Variants in ZC3H4 observed in about 807,000 individuals in gnomAD.
ZC3H4 encodes zinc finger CCCH-type containing 4, also known as zinc finger CCCH domain-containing protein 4.
A neutral mutation model predicts 108.3 loss-of-function variants in ZC3H4; 13 were observed. The observed-to-expected ratio is 0.12, with a 90% confidence interval of 0.08 to 0.19. The LOEUF is 0.19. Among genes scored for constraint, ZC3H4 ranks in the 10% least tolerant of loss-of-function variants. The pLI is 1.00. For synonymous variants in ZC3H4, 917 were observed against 749.6 expected, an observed-to-expected ratio of 1.22 and a Z score of -3.65; for missense variants, 1,734 against 1,838.8, an observed-to-expected ratio of 0.94 and a Z score of 1.04.
chr19:47,079,732 C>G (rs996431597), intron 11 of ZC3H4, among the ~76,000 whole-genome samples: 6 of 152,168 alleles, frequency 3.9e-5, no homozygotes, highest in Non-Finnish European at 8.8e-5. Flanking sequence ...CCCGTCTCTA[C>G]TGAAAATAGC....
chr19:47,081,671 C>T (rs761275844), intron 10 of ZC3H4, 49 bp from the exon 11 acceptor site: 42 of 1,495,216 alleles, frequency 2.8e-5, no homozygotes, highest in Non-Finnish European at 3.6e-5. Flanking sequence ...ACGCCCCCCT[C>T]CCCCACCACA....
chr19:47,084,995 G>T, intron 8 of ZC3H4, 61 bp downstream of exon 8: 3 of 1,598,170 alleles, frequency 1.9e-6, no homozygotes, highest in Non-Finnish European at 2.6e-6. Context: ...ACTCATTAAA[G>T]GGAAAAAGGA....
chr19:47,071,236 C>T (rs1332662072), intron 13 of ZC3H4, among the ~76,000 whole-genome samples: 2 of 152,214 alleles, frequency 1.3e-5, no homozygotes, highest in East Asian at 1.9e-4. Flanking sequence ...GGTGGCCTCT[C>T]GTGCCTGGCC....
chr19:47,097,672 C>G (rs1234059829), intron 2 of ZC3H4, among the ~76,000 whole-genome samples: 1 of 152,206 alleles, frequency 6.6e-6, no homozygotes, highest in Non-Finnish European at 1.5e-5. Flanking sequence ...ACTTAACAGA[C>G]TGCCGGCAAA....
intron 2 of ZC3H4, among the ~76,000 whole-genome samples, chr19:47,109,239 A>C (rs916125180): frequency 1.3e-5 from 2 of 152,192 alleles, no homozygotes; most frequent in African/African-American, 2.4e-5. Flanking sequence ...TCTAGGTCTT[A>C]ATGGATGAGA....
intron 2 of ZC3H4, among the ~76,000 whole-genome samples, chr19:47,096,542 G>C (rs542637652): frequency 1.3e-5 from 2 of 152,260 alleles, no homozygotes; most frequent in Non-Finnish European, 2.9e-5. Flanking sequence ...GAGCTGTGCA[G>C]ACACTGGGAG....
At position 47,066,258 on chromosome 19, in the gene ZC3H4, C is replaced by T. The variant is rs1234647734; in HGVS notation, c.*98G>A. ...AGAAAAAGAAAAGAAAAAAGGAACA[C>T]CCAGCCTGCCTCCCCTTGCCCCCAA... On this transcript the variant is annotated 3_prime_UTR_variant, in exon 15 of 15. Transcript: ENST00000253048. 6 of 962,004 alleles carry T rather than the reference C, an allele frequency of 6.2e-6. No homozygotes were observed. The highest frequency in any genetic ancestry group is 3.7e-5 in the Admixed American group (1 of 27,388). 59.6% of individuals were successfully genotyped at this position (962,004 alleles called of 1,614,324 possible).
chr19:47,101,669 G>C (rs1185168938), intron 2 of ZC3H4, among the ~76,000 whole-genome samples: 1 of 151,904 alleles, frequency 6.6e-6, no homozygotes, highest in Non-Finnish European at 1.5e-5. Flanking sequence ...TCAGGAGTTC[G>C]AGACCAGCCT....
intron 2 of ZC3H4, among the ~76,000 whole-genome samples, chr19:47,111,861 G>A (rs1423054544): frequency 1.3e-5 from 2 of 152,154 alleles, no homozygotes; most frequent in African/African-American, 2.4e-5. Context: ...CATCCAAGTA[G>A]GACAGGGTGT....
intron 11 of ZC3H4, 76 bp downstream of exon 11, chr19:47,081,437 G>T: frequency 1.7e-6 from 2 of 1,160,986 alleles, no homozygotes; most frequent in South Asian, 2.5e-5. Flanking sequence ...TGGACAGGCA[G>T]GCCACAGCAC....
chr19:47,071,885 G>A lies in ZC3H4; in HGVS notation c.2039C>T (p.Pro680Leu). 2 of 1,613,100 alleles carry A rather than the reference G, an allele frequency of 1.2e-6. No homozygotes were observed. The highest frequency in any genetic ancestry group is 1.7e-4 in the Middle Eastern group (1 of 6,056). Reference sequence around the variant, plus strand: ...GATAGGGGGCATCATTCCAGAATGTGGGGAGTCTCCAGGGCCGTAGGGCAT... The same window carrying A: ...GATAGGGGGCATCATTCCAGAATGTAGGGAGTCTCCAGGGCCGTAGGGCAT... Reference protein sequence around the residue: ...PMMPYGPGDSPHSGMMPPIPP... With the variant: ...PMMPYGPGDSLHSGMMPPIPP... Residue 680 changes from proline to leucine, a missense_variant, in exon 13 of 15, where the codon CCA becomes CTA. Around this residue, in one of 9 missense-constraint regions of ZC3H4, gnomAD observed 540 missense variants for 484.1 expected, o/e 1.12. Coordinates refer to ENST00000253048, the MANE Select transcript of ZC3H4 (RefSeq NM_015168.2).
At chr19:47,085,293 G>C in intron 7 of ZC3H4, 25 bp downstream of exon 7, 1 of 1,405,354 alleles carries the variant, frequency 7.1e-7, no homozygotes, top group Non-Finnish European at 9.5e-7. Context: ...CCCACCCAGC[G>C]TGTCCTCTCC....
chr19:47,104,342 T>C lies in ZC3H4; in HGVS notation c.161+8082A>G, dbSNP rs143690928. 1.9e-3 allele frequency among the ~76,000 whole-genome samples: 283 copies of C among 152,204 alleles called. 2 individuals are homozygous for C. Among genetic ancestry groups the C allele is most frequent in the African/African-American group, 6.6e-3 (274 of 41,536 alleles). ...TAAAATAATAATAATAATAATTTCT[T>C]AAAAAGAACTGATACAACCTATTCG... On this transcript the variant is annotated intron_variant, in intron 2 of 14. Coordinates refer to ENST00000253048, the MANE Select transcript of ZC3H4 (RefSeq NM_015168.2).
chr19:47,072,727 A>T lies in ZC3H4; in HGVS notation c.1441-14T>A, dbSNP rs376917384. The T allele has an allele frequency of 1.9e-6, 3 of 1,612,720 alleles. No individual in the cohort carries two copies. The highest frequency in any genetic ancestry group is 2.5e-6 in the Non-Finnish European group (3 of 1,179,932). On this transcript the variant is annotated splice_polypyrimidine_tract_variant and intron_variant, in intron 11 of 14. Coordinates refer to ENST00000253048, the MANE Select transcript of ZC3H4 (RefSeq NM_015168.2). This position sits in a 1 kb window ranked among gnomAD's most constrained non-coding sequence, Gnocchi z 5.6. ...ATCGGCCAACATCTGCGGGTGTGAAAGAACAAAAGAAGGTGTGGACGGGGT... is the reference window on the plus strand; with the variant it reads ...ATCGGCCAACATCTGCGGGTGTGAATGAACAAAAGAAGGTGTGGACGGGGT...
intron 11 of ZC3H4, among the ~76,000 whole-genome samples, chr19:47,076,170 G>A (rs2057414249): frequency 1.3e-5 from 2 of 152,206 alleles, no homozygotes; most frequent in African/African-American, 4.8e-5. Context: ...TCCTTCAACG[G>A]ATGACTGGAT....
chr19:47,079,947 T>C (rs777374682), intron 11 of ZC3H4, among the ~76,000 whole-genome samples: 4 of 152,140 alleles, frequency 2.6e-5, no homozygotes, highest in Non-Finnish European at 5.9e-5. Context: ...ACTTGCCTTT[T>C]CCTACAGGCG....
intron 6 of ZC3H4, among the ~76,000 whole-genome samples, chr19:47,086,165 C>A (rs1371987158): frequency 1.3e-5 from 2 of 152,192 alleles, no homozygotes; most frequent in African/African-American, 2.4e-5. Context: ...CCGCGCCCAG[C>A]CGATACCTTT....
intron 11 of ZC3H4, among the ~76,000 whole-genome samples, chr19:47,079,276 G>A (rs1309454195): frequency 6.6e-6 from 1 of 151,382 alleles, no homozygotes; most frequent in Non-Finnish European, 1.5e-5. Context: ...TGATCCGTCT[G>A]CCTCGGCATC....
In ZC3H4 at chr19:47,085,040, A is replaced by C; in HGVS notation, c.1107+16T>G. 6.2e-7 allele frequency: 1 copy of C among 1,614,086 alleles called. No individual in the cohort carries two copies. Among genetic ancestry groups the C allele is most frequent in the African/African-American group, 1.3e-5 (1 of 75,046 alleles). The stretch of plus-strand genomic sequence containing the variant: ...GACCTTGGCCCAAACATCAGATCAG[A>C]GTGGAGTCAACTCACGCCCATGTCC... On this transcript the variant is annotated intron_variant, in intron 8 of 14. Coordinates refer to ENST00000253048, the MANE Select transcript of ZC3H4 (RefSeq NM_015168.2).
Sources: gnomAD v4.1 joint callset for allele counts (sites outside exome capture counted in the v4.1 genomes callset) on GRCh38, gnomAD v4.1.1 for gene constraint, gnomAD v4.1.1 regional missense constraint, Gnocchi (gnomAD v3.1) non-coding constraint, MANE v1.5 for transcripts, NCBI Gene and HGNC (gene_info 2026-07-23, HGNC 2026-07-21) for gene names.